The following KSR1 variants were observed in gnomAD, a reference collection of about 807,000 sequenced individuals.
KSR1 encodes the protein kinase suppressor of ras.
A neutral mutation model predicts 92.9 loss-of-function variants in KSR1; 35 were observed. The ratio of observed to expected loss-of-function variants is 0.38; its 90% CI spans 0.29 to 0.50. The LOEUF is 0.50. Ranked by LOEUF, KSR1 falls within the 20% of genes least tolerant of loss-of-function variation. KSR1 has a pLI of 0.94. For synonymous variants in KSR1, 467 were observed against 472.6 expected, an observed-to-expected ratio of 0.99 and a Z score of 0.15; for missense variants, 972 against 1,158.5, an observed-to-expected ratio of 0.84 and a Z score of 2.34.
At chr17:27,603,169 C>A (rs538860143) in intron 11 of KSR1, among the ~76,000 whole-genome samples, 2 of 152,324 alleles carry the variant, frequency 1.3e-5, no homozygotes, top group Non-Finnish European at 2.9e-5. Flanking sequence ...ACTTTTAGCG[C>A]CAAAACTGGG....
intron 1 of KSR1, among the ~76,000 whole-genome samples, chr17:27,500,224 C>G (rs930852838): frequency 3.9e-5 from 6 of 152,114 alleles, no homozygotes; most frequent in African/African-American, 1.2e-4. Flanking sequence ...TGTACCTGGT[C>G]AGAAGCCTCC....
intron 4 of KSR1, 48 bp from the exon 5 acceptor site, chr17:27,585,609 A>C (rs754347232): frequency 6.7e-6 from 5 of 744,622 alleles, no homozygotes; most frequent in Non-Finnish European, 1.3e-5. Flanking sequence ...GAACACGCCG[A>C]GCCAGCGTGG....
chr17:27,525,551 C>T (rs561101744), intron 1 of KSR1, among the ~76,000 whole-genome samples: 1 of 152,302 alleles, frequency 6.6e-6, no homozygotes, highest in Admixed American at 6.5e-5. Context: ...ATGAGCTGAG[C>T]CTTCTGGGTC....
At chr17:27,600,751 A>G (rs1159126912) in intron 10 of KSR1, among the ~76,000 whole-genome samples, 1 of 152,224 alleles carries the variant, frequency 6.6e-6, no homozygotes, top group Non-Finnish European at 1.5e-5. Context: ...TGACCAAAAC[A>G]ACATTCTGTG....
chr17:27,515,125 G>T (rs1485583715), intron 1 of KSR1, among the ~76,000 whole-genome samples: 1 of 152,194 alleles, frequency 6.6e-6, no homozygotes, highest in Non-Finnish European at 1.5e-5. Context: ...GGATAAAATA[G>T]ATAGGAAACA....
intron 2 of KSR1, among the ~76,000 whole-genome samples, chr17:27,556,504 G>A (rs2071601258): frequency 6.6e-6 from 1 of 152,136 alleles, no homozygotes; most frequent in Admixed American, 6.5e-5. Context: ...TTACAGACAT[G>A]AGCCACCGTG....
chr17:27,614,419 A>G (rs528452203), intron 18 of KSR1, among the ~76,000 whole-genome samples: 2 of 152,318 alleles, frequency 1.3e-5, no homozygotes, highest in Non-Finnish European at 2.9e-5. Flanking sequence ...TCCTGGCAAC[A>G]GTTTGTTTCC....
chr17:27,498,347 A>G (rs1259796237), intron 1 of KSR1, among the ~76,000 whole-genome samples: 1 of 151,796 alleles, frequency 6.6e-6, no homozygotes, highest in African/African-American at 2.4e-5. Context: ...CAAAAAAAAA[A>G]AAAAAAAAAA....
At chr17:27,614,585 G>A (rs950852675) in intron 18 of KSR1, among the ~76,000 whole-genome samples, 1 of 152,244 alleles carries the variant, frequency 6.6e-6, no homozygotes, top group Non-Finnish European at 1.5e-5. Flanking sequence ...AAATGCCAGG[G>A]TTAAGGCCTC....
intron 1 of KSR1, among the ~76,000 whole-genome samples, chr17:27,522,578 A>G (rs2070087143): frequency 6.6e-6 from 1 of 152,216 alleles, no homozygotes; most frequent in African/African-American, 2.4e-5. Context: ...TGAGAGCTCC[A>G]GGGAAAAGTG....
intron 1 of KSR1, among the ~76,000 whole-genome samples, chr17:27,486,508 C>T (rs1030001090): frequency 6.6e-6 from 1 of 152,342 alleles, no homozygotes; most frequent in Middle Eastern, 3.4e-3. Context: ...AGTGGCCATG[C>T]AGGCTGACAA....
intron 11 of KSR1, among the ~76,000 whole-genome samples, chr17:27,601,655 T>C (rs1446211568): frequency 6.6e-6 from 1 of 152,230 alleles, no homozygotes; most frequent in Non-Finnish European, 1.5e-5. Context: ...GCACAGAGAC[T>C]GCAGGCAACC....
At chr17:27,615,747 T>C (rs1209164426) in intron 18 of KSR1, among the ~76,000 whole-genome samples, 1 of 152,204 alleles carries the variant, frequency 6.6e-6, no homozygotes, top group Non-Finnish European at 1.5e-5. Flanking sequence ...GTGCCCTCTC[T>C]TTATTTGCAC....
intron 1 of KSR1, among the ~76,000 whole-genome samples, chr17:27,520,366 T>C (rs1199005582): frequency 6.6e-6 from 1 of 152,134 alleles, no homozygotes; most frequent in Non-Finnish European, 1.5e-5. Flanking sequence ...CAGTAGCAAA[T>C]GCAAAGGTAA....
intron 1 of KSR1, among the ~76,000 whole-genome samples, chr17:27,549,641 T>C (rs148008710): frequency 6.6e-6 from 1 of 152,290 alleles, no homozygotes; most frequent in East Asian, 1.9e-4. Context: ...ATATCTGAAA[T>C]TTGCATACAT....
intron 1 of KSR1, among the ~76,000 whole-genome samples, chr17:27,496,641 A>G (rs868471508): frequency 1.3e-5 from 2 of 152,278 alleles, no homozygotes; most frequent in Middle Eastern, 3.4e-3. Context: ...GGAAATTTGC[A>G]TGTGCCATGG....
chr17:27,460,477 T>C (rs550287934), intron 1 of KSR1, among the ~76,000 whole-genome samples: 1 of 152,328 alleles, frequency 6.6e-6, no homozygotes, highest in Middle Eastern at 3.4e-3. Flanking sequence ...TGAAGGACTT[T>C]GACCATCAGG....
At position 27,623,303 on chromosome 17, in the gene KSR1, C is replaced by G; in HGVS notation, c.2709-11C>G. ...TGGGGCTATAATTCTTGTTTTTGTT[C>G]CTCTTTGCAGCATTAACAGCAGCAA... On this transcript the variant is annotated splice_polypyrimidine_tract_variant and intron_variant, in intron 20 of 20. Transcript: ENST00000644974. 1 of 763,776 alleles carries G rather than the reference C, an allele frequency of 1.3e-6. No individual in the cohort carries two copies. The highest frequency in any genetic ancestry group is 2.4e-6 in the Non-Finnish European group (1 of 417,222). The allele number at this position is 763,776 out of a possible 1,614,324, so 47.3% of individuals were successfully genotyped here.
rs1448703896 is a variant in KSR1, at chr17:27,625,333, G to A, written c.*1941G>A. 1 of 152,320 alleles carries A rather than the reference G, an allele frequency of 6.6e-6. No homozygotes were observed. Among genetic ancestry groups the A allele is most frequent in the Non-Finnish European group, 1.5e-5 (1 of 68,086 alleles). 9.4% of individuals were successfully genotyped at this position (152,320 alleles called of 1,614,324 possible). A position where few individuals can be genotyped will look rare whatever the true frequency, so the allele number is the denominator to read the frequency against. On this transcript the variant is annotated 3_prime_UTR_variant, in exon 21 of 21. Transcript: ENST00000644974. ...CGCAGTGGGCATGCACAGGCCCACAGAAAGTCAGTCTGGGTTTTGCTTTTC... is the reference window on the plus strand; with the variant it reads ...CGCAGTGGGCATGCACAGGCCCACAAAAAGTCAGTCTGGGTTTTGCTTTTC...
Sources: gnomAD v4.1 joint callset for allele counts (sites outside exome capture counted in the v4.1 genomes callset) on GRCh38, gnomAD v4.1.1 for gene constraint, MANE v1.5 for transcripts, NCBI Gene and HGNC (gene_info 2026-07-23, HGNC 2026-07-21) for gene names.